SLC39A11: variants seen among roughly 807,000 people sequenced by gnomAD.
SLC39A11 encodes the protein zinc transporter ZIP11.
Under a neutral mutation model 36.1 loss-of-function variants are expected in SLC39A11, and 33 were observed. The observed-to-expected ratio is 0.91, with a 90% confidence interval of 0.69 to 1.22. SLC39A11 has a LOEUF of 1.22. SLC39A11 is among the 50% of genes most tolerant of loss of function. The pLI, the probability that SLC39A11 is intolerant of heterozygous loss-of-function variation, is 0.00. For missense variants in SLC39A11, 432 were observed against 430.3 expected, an observed-to-expected ratio of 1.00 and a Z score of -0.03; for synonymous variants, 166 against 170.3, an observed-to-expected ratio of 0.97 and a Z score of 0.20.
At chr17:73,089,483 C>A (rs944707173) in intron 1 of SLC39A11, among the ~76,000 whole-genome samples, 1 of 152,142 alleles carries the variant, frequency 6.6e-6, no homozygotes, top group Non-Finnish European at 1.5e-5. Flanking sequence ...GAACCCGGAG[C>A]ACCCTCTGCA....
At chr17:72,670,200 C>T (rs1364396493) in intron 7 of SLC39A11, among the ~76,000 whole-genome samples, 2 of 84,152 alleles carry the variant, frequency 2.4e-5, no homozygotes, top group Non-Finnish European at 4.7e-5. Context: ...CACACACACA[C>T]ACACACACAC....
intron 7 of SLC39A11, chr17:72,725,462 T>A (rs545674977): frequency 6.6e-6 from 1 of 152,228 alleles, no homozygotes. Flanking sequence ...GATGTTACTA[T>A]TTTGAAAAAT....
At chr17:72,692,684 A>T (rs2072091975) in intron 7 of SLC39A11, among the ~76,000 whole-genome samples, 1 of 152,166 alleles carries the variant, frequency 6.6e-6, no homozygotes, top group South Asian at 2.1e-4. Context: ...TCAGGCTGAG[A>T]TTTGAATGGG....
At chr17:72,950,081 C>T (rs1228369731) in intron 4 of SLC39A11, among the ~76,000 whole-genome samples, 3 of 152,044 alleles carry the variant, frequency 2.0e-5, no homozygotes, top group Non-Finnish European at 2.9e-5. Flanking sequence ...TTATCTGCTT[C>T]CAACCAAATG....
At chr17:73,087,727 G>A (rs2060780971) in intron 2 of SLC39A11, among the ~76,000 whole-genome samples, 1 of 152,044 alleles carries the variant, frequency 6.6e-6, no homozygotes, top group Admixed American at 6.6e-5. Context: ...AGGCTGTGGG[G>A]CCATGACAGT....
At chr17:72,918,557 G>A (rs1356579523) in intron 5 of SLC39A11, among the ~76,000 whole-genome samples, 2 of 152,230 alleles carry the variant, frequency 1.3e-5, no homozygotes, top group African/African-American at 4.8e-5. Context: ...ATGTTGGGAG[G>A]AAAGTGAGTC....
In SLC39A11 at chr17:72,770,164, T is replaced by C. The variant is rs1598648325; in HGVS notation, c.602-33445A>G. Among the ~76,000 whole-genome samples, 3 of 152,314 alleles carry C rather than the reference T, an allele frequency of 2.0e-5. No homozygotes were observed. The Middle Eastern group carries it at 0.01, about 518-fold the overall frequency. On this transcript the variant is annotated intron_variant, in intron 6 of 9. Transcript: ENST00000255559. ...TAAATTAACTGAGATCTGTCTCAGA[T>C]TTTCTGGGTTCACAACCTTGAGGAC...
intron 6 of SLC39A11, among the ~76,000 whole-genome samples, chr17:72,836,309 G>C (rs2078541273): frequency 6.6e-6 from 1 of 151,448 alleles, no homozygotes; most frequent in African/African-American, 2.4e-5. Context: ...CAGAGTGTGA[G>C]TTAAGCTGTA....
At chr17:72,797,895 C>T (rs2076946370) in intron 6 of SLC39A11, among the ~76,000 whole-genome samples, 1 of 152,146 alleles carries the variant, frequency 6.6e-6, no homozygotes, top group Non-Finnish European at 1.5e-5. Flanking sequence ...GAGTTTGCAT[C>T]TAGCATCTGG....
At chr17:73,067,907 T>C in intron 3 of SLC39A11, 1 of 1,608,196 alleles carries the variant, frequency 6.2e-7, no homozygotes, top group South Asian at 1.1e-5. Context: ...TAAAACCAGT[T>C]TACCATCACT....
chr17:72,933,895 T>A (rs1000564594), intron 5 of SLC39A11, among the ~76,000 whole-genome samples: 1 of 152,120 alleles, frequency 6.6e-6, no homozygotes, highest in Non-Finnish European at 1.5e-5. Flanking sequence ...CAAAAACCAA[T>A]GAATCAGAAT....
intron 4 of SLC39A11, among the ~76,000 whole-genome samples, chr17:73,030,845 C>A (rs1322956017): frequency 2.6e-5 from 4 of 152,216 alleles, no homozygotes; most frequent in Admixed American, 6.5e-5. Flanking sequence ...TCGGTGATCA[C>A]AGCCACATGC....
intron 7 of SLC39A11, among the ~76,000 whole-genome samples, chr17:72,675,674 G>A (rs112872197): frequency 5.0e-4 from 72 of 145,060 alleles, no homozygotes; most frequent in African/African-American, 1.7e-3. Context: ...TGTGATGCCC[G>A]GCGCCAGATG....
chr17:72,829,167 C>T (rs1174602905), intron 6 of SLC39A11, among the ~76,000 whole-genome samples: 3 of 151,994 alleles, frequency 2.0e-5, no homozygotes, highest in Admixed American at 6.6e-5. Flanking sequence ...GCCTGGGCAA[C>T]ATGGCAAAAC....
intron 7 of SLC39A11, among the ~76,000 whole-genome samples, chr17:72,723,139 G>C (rs553291167): frequency 1.4e-4 from 21 of 152,288 alleles, no homozygotes. Context: ...TTTCTCACAT[G>C]ATGCACGTAG....
intron 4 of SLC39A11, among the ~76,000 whole-genome samples, chr17:72,962,465 A>G (rs1415988892): frequency 6.6e-6 from 1 of 151,986 alleles, no homozygotes; most frequent in African/African-American, 2.4e-5. Flanking sequence ...TCAGGTCCCT[A>G]TTTTCTTGCT....
chr17:72,941,521 T>C (rs1435551331), intron 5 of SLC39A11, among the ~76,000 whole-genome samples: 1 of 151,680 alleles, frequency 6.6e-6, no homozygotes, highest in East Asian at 1.9e-4. Flanking sequence ...AAATTTGCTC[T>C]GAAATTACTG....
chr17:72,756,986 A>AG (rs1007842337), intron 6 of SLC39A11, among the ~76,000 whole-genome samples: 11 of 104,096 alleles, frequency 1.1e-4, no homozygotes, highest in South Asian at 3.5e-4. Flanking sequence ...AGTCTCTGCT[A>AG]GGGAAAAAAA....
chr17:72,690,847 C>A (rs935685146), intron 7 of SLC39A11, among the ~76,000 whole-genome samples: 1 of 152,024 alleles, frequency 6.6e-6, no homozygotes, highest in Non-Finnish European at 1.5e-5. Context: ...CTGGTGTGCC[C>A]GAGACCAACA....
Sources: gnomAD v4.1 joint callset for allele counts (sites outside exome capture counted in the v4.1 genomes callset) on GRCh38, gnomAD v4.1.1 for gene constraint, MANE v1.5 for transcripts, NCBI Gene and HGNC (gene_info 2026-07-23, HGNC 2026-07-21) for gene names.